Variants in TGM6 observed in about 807,000 individuals in gnomAD.
TGM6 encodes transglutaminase 6.
Under a neutral mutation model 77.5 loss-of-function variants are expected in TGM6, and 74 were observed. The ratio of observed to expected loss-of-function variants is 0.96; its 90% confidence interval spans 0.79 to 1.16. The LOEUF (loss-of-function observed/expected upper bound fraction) is 1.16, where lower values mean the gene tolerates loss of function less well. Among genes scored for constraint, TGM6 ranks in the 50% most tolerant of loss-of-function variants. The pLI is 0.00. For missense variants in TGM6, 968 were observed against 940.2 expected (o/e 1.03, Z -0.39); for synonymous variants, 383 against 378.9 (o/e 1.01, Z -0.12).
Position 2,380,910 on chromosome 20 carries a change from T to C in TGM6, c.-59T>C. The C allele has an allele frequency of 1.9e-6, 3 of 1,594,094 alleles. No individual in the cohort carries two copies. The highest frequency in any genetic ancestry group is 2.6e-6 in the Non-Finnish European group (3 of 1,172,154). ...GGCTGGCTGCTGTGACGCGCCACACTGTCCTGACGGTGCACACACTGCTGT... is the reference window on the plus strand; with the variant it reads ...GGCTGGCTGCTGTGACGCGCCACACCGTCCTGACGGTGCACACACTGCTGT... On this transcript the variant is annotated 5_prime_UTR_variant, in exon 1 of 13. Coordinates refer to ENST00000202625, the MANE Select transcript of TGM6 (RefSeq NM_198994.3).
rs201946688 is a variant in TGM6, at chr20:2,411,331, G to A, written c.1337-5901G>A. Among the ~76,000 whole-genome samples, 10 of 152,184 alleles carry A rather than the reference G, an allele frequency of 6.6e-5. No homozygotes were observed. In the East Asian group the frequency reaches 1.9e-3, roughly 29 times the overall value. ...AGTGGGATTTATCCCAAGAATACAA[G>A]ATGGGTTTAACATTGAAAATCAGCT... On this transcript the variant is annotated intron_variant, in intron 9 of 12. Coordinates refer to ENST00000202625, the MANE Select transcript of TGM6 (RefSeq NM_198994.3).
Position 2,400,375 on chromosome 20 carries a change from A to C in TGM6, c.920A>C (p.Asn307Thr). ...NFNSAHDTDQ[N>T]LSVDKYVDSF... Reference sequence around the variant, plus strand: ...AACTCAGCCCACGACACAGACCAGAACCTGAGTGTGGACAAATACGTGGAC... The same window carrying C: ...AACTCAGCCCACGACACAGACCAGACCCTGAGTGTGGACAAATACGTGGAC... The change falls in exon 7 of 13, where the codon AAC becomes ACC. Residue 307 changes from asparagine (N) to threonine (T), a missense_variant. Coordinates refer to ENST00000202625, the MANE Select transcript of TGM6 (RefSeq NM_198994.3). 1 of 1,614,184 alleles carries C rather than the reference A, an allele frequency of 6.2e-7. No homozygotes were observed. The highest frequency in any genetic ancestry group is 1.1e-5 in the South Asian group (1 of 91,086).
chr20:2,405,867 C>G (rs774658065), intron 9 of TGM6, among the ~76,000 whole-genome samples: 6 of 152,274 alleles, frequency 3.9e-5, no homozygotes, highest in Non-Finnish European at 7.4e-5. Flanking sequence ...CTGGCTGTCT[C>G]CCACCTGCTG....
At chr20:2,432,434 G>T in intron 12 of TGM6, 56 bp from the exon 13 acceptor site, 1 of 1,609,122 alleles carries the variant, frequency 6.2e-7, no homozygotes, top group South Asian at 1.1e-5. Flanking sequence ...TGGCAGGCCA[G>T]ACTCAGAATG....
At chr20:2,395,475 A>G in intron 3 of TGM6, 39 bp downstream of exon 3, 11 of 1,614,158 alleles carry the variant, frequency 6.8e-6, no homozygotes, top group Non-Finnish European at 9.3e-6. Flanking sequence ...TTTTTCCAAA[A>G]GACATCCTTA....
chr20:2,399,651 G>A lies in TGM6; in HGVS notation c.763G>A (p.Val255Met), dbSNP rs751618387. Residue 255 changes from valine (V) to methionine (M), a missense_variant, in exon 6 of 13, where the codon GTG becomes ATG. Coordinates refer to ENST00000202625, the MANE Select transcript of TGM6 (RefSeq NM_198994.3). Reference sequence around the variant, plus strand: ...CAGCCCGCTGCACTGGCGCGGCAGCGTGGCCATTCTGCAGAAGTGGCTCAA... The same window carrying A: ...CAGCCCGCTGCACTGGCGCGGCAGCATGGCCATTCTGCAGAAGTGGCTCAA... The part of the protein sequence containing the change: ...GTSPLHWRGS[V>M]AILQKWLKGR... 42 of 1,613,702 alleles carry A rather than the reference G, an allele frequency of 2.6e-5. No individual in the cohort carries two copies. Among genetic ancestry groups the A allele is most frequent in the Admixed American group, 3.3e-5 (2 of 59,998 alleles).
intron 9 of TGM6, among the ~76,000 whole-genome samples, chr20:2,414,786 G>A (rs1201384293): frequency 2.6e-5 from 4 of 152,134 alleles, no homozygotes; most frequent in South Asian, 4.2e-4. Context: ...GATGTTAAGC[G>A]GAAAAATTTC....
chr20:2,418,986 A>T (rs2084838019), intron 10 of TGM6, among the ~76,000 whole-genome samples: 1 of 152,168 alleles, frequency 6.6e-6, no homozygotes, highest in Non-Finnish European at 1.5e-5. Flanking sequence ...CTGAGGCAGG[A>T]GACTCACTTG....
chr20:2,423,622 G>C (rs181326905), intron 10 of TGM6, among the ~76,000 whole-genome samples: 13 of 152,028 alleles, frequency 8.6e-5, no homozygotes, highest in Admixed American at 8.5e-4. Context: ...CATAAGAGTT[G>C]GAATCAACTT....
chr20:2,396,375 C>A lies in TGM6; in HGVS notation c.425-131C>A, dbSNP rs1170518320. The stretch of plus-strand genomic sequence containing the variant: ...GGGAGGCAGCACGGGAGCTCGCAAG[C>A]CCCCTCTTGACCTCTCCTGCCCCAG... On this transcript the variant is annotated intron_variant, in intron 3 of 12. Transcript: ENST00000202625. The A allele has an allele frequency of 5.8e-6, 5 of 864,404 alleles. No homozygotes were observed. In the East Asian group the frequency reaches 7.4e-5, roughly 13 times the overall value. 53.5% of individuals were successfully genotyped at this position (864,404 alleles called of 1,614,324 possible). A position where few individuals can be genotyped will look rare whatever the true frequency, so the allele number is the denominator to read the frequency against.
rs1383156549 is a variant in TGM6, at chr20:2,400,403, C to T, written c.948C>T (p.Ser316=). ...QNLSVDKYVD[S]FGRTLEDLTE... is the part of the protein sequence containing the mutation. ...TGAGTGTGGACAAATACGTGGACTC[C>T]TTCGGGCGGACCCTGGAGGACCTGA... The change falls in exon 7 of 13, where the codon TCC becomes TCT. Residue 316 remains serine, a synonymous_variant. Transcript: ENST00000202625. The T allele has an allele frequency of 6.2e-7, 1 of 1,614,194 alleles. No individual in the cohort carries two copies. The highest frequency in any genetic ancestry group is 8.5e-7 in the Non-Finnish European group (1 of 1,180,038).
rs2122448161 is a variant in TGM6 at position 2,432,636 on chromosome 20, C to T, written c.2114C>T (p.Ala705Val). ...TTTGTGATCGTCCATGTGGCCACTG[C>T]CAAGTGATGGATCATGAGGGACTGA... The part of the protein sequence containing the change: ...KGFVIVHVAT[A>V]K The change falls in exon 13 of 13, where the codon GCC becomes GTC. Residue 705 changes from alanine to valine, a missense_variant. Transcript: ENST00000202625. The T allele has an allele frequency of 6.2e-7, 1 of 1,614,104 alleles. No homozygotes were observed. The highest frequency in any genetic ancestry group is 8.5e-7 in the Non-Finnish European group (1 of 1,179,996).
At chr20:2,417,644 G>A (rs2084828032) in intron 10 of TGM6, 71 bp downstream of exon 10, 1 of 1,494,500 alleles carries the variant, frequency 6.7e-7, no homozygotes, top group Admixed American at 1.9e-5. Context: ...GGAGGTCAGA[G>A]GGATTTCCCA....
Position 2,403,507 on chromosome 20 carries a change from T to C in TGM6, c.1093+7T>C, listed in dbSNP as rs1450403987. The C allele has an allele frequency of 6.2e-7, 1 of 1,614,046 alleles. No homozygotes were observed. The highest frequency in any genetic ancestry group is 8.5e-7 in the Non-Finnish European group (1 of 1,180,022). On this transcript the variant is annotated splice_region_variant and intron_variant, in intron 8 of 12. Transcript: ENST00000202625. ...CCCCAGGAGGAGAGTGAAGGTACGC[T>C]CAATTGGGTGGGGTAAGTTCCAGAC...
chr20:2,425,105 C>T (rs2084879127), intron 10 of TGM6, among the ~76,000 whole-genome samples: 1 of 152,032 alleles, frequency 6.6e-6, no homozygotes, highest in South Asian at 2.1e-4. Flanking sequence ...CTTTTGGAGG[C>T]CAAAGTGAGA....
intron 9 of TGM6, among the ~76,000 whole-genome samples, chr20:2,404,525 C>T (rs1445675853): frequency 6.6e-6 from 1 of 152,142 alleles, no homozygotes. Context: ...GTCCCCTGAG[C>T]ACAAGCTAGA....
chr20:2,391,478 G>A (rs6048588), intron 1 of TGM6, among the ~76,000 whole-genome samples: 2,007 of 151,198 alleles, frequency 0.013, 45 homozygotes, highest in African/African-American at 0.046. Flanking sequence ...TGCAGCCAGT[G>A]CAAAGAGTAA....
intron 9 of TGM6, among the ~76,000 whole-genome samples, chr20:2,405,753 A>G (rs2084746074): frequency 6.6e-6 from 1 of 152,174 alleles, no homozygotes; most frequent in East Asian, 1.9e-4. Context: ...CAAGTTCTGC[A>G]GAGGTTTTAC....
intron 9 of TGM6, 84 bp downstream of exon 9, chr20:2,403,907 A>G: frequency 6.2e-7 from 1 of 1,608,544 alleles, no homozygotes; most frequent in Non-Finnish European, 8.5e-7. Flanking sequence ...GCCTGGAGCC[A>G]GGCCTCACCC....
Sources: gnomAD v4.1 joint callset for allele counts (sites outside exome capture counted in the v4.1 genomes callset) on GRCh38, gnomAD v4.1.1 for gene constraint, MANE v1.5 for transcripts, NCBI Gene and HGNC (gene_info 2026-07-23, HGNC 2026-07-21) for gene names.